SETD2: variants seen among roughly 807,000 people sequenced by gnomAD.
The protein encoded by SETD2 is SET domain containing 2, histone lysine methyltransferase.
In SETD2, 31 loss-of-function variants were observed where a neutral mutation model predicts 242.1. That is an observed-to-expected ratio of 0.13 (90% CI 0.10 to 0.17). The LOEUF is 0.17. Ranked by LOEUF, SETD2 falls within the 10% of genes least tolerant of loss-of-function variation. The pLI, the probability that SETD2 is intolerant of heterozygous loss-of-function variation, is 1.00. For missense variants in SETD2, 2,481 were observed against 3,046.3 expected, an observed-to-expected ratio of 0.81 and a Z score of 4.37; for synonymous variants, 1,006 against 1,066.5, an observed-to-expected ratio of 0.94 and a Z score of 1.11.
At chr3:47,157,236 C>G (rs2044146221) in intron 1 of SETD2, among the ~76,000 whole-genome samples, 1 of 152,136 alleles carries the variant, frequency 6.6e-6, no homozygotes. Context: ...GCACTCCAGC[C>G]TGGGCAAGAG....
intron 1 of SETD2, among the ~76,000 whole-genome samples, chr3:47,144,060 C>A (rs2043796727): frequency 6.6e-6 from 1 of 152,162 alleles, no homozygotes; most frequent in Non-Finnish European, 1.5e-5. Flanking sequence ...CTCTAGCTGT[C>A]AAGTTTCTAG....
Position 47,076,582 on chromosome 3 carries a change from C to T in SETD2, c.6060+7138G>A, listed in dbSNP as rs187533385. On this transcript the variant is annotated intron_variant, in intron 12 of 20. Coordinates refer to ENST00000409792, the MANE Select transcript of SETD2 (RefSeq NM_014159.7). ...TACAAAGATTAAAAAATTGTCCATG[C>T]CTTTGAAGAAAGCAATTCCATGGTC... Among the ~76,000 whole-genome samples the T allele has an allele frequency of 2.0e-3, 299 of 152,196 alleles. 3 individuals are homozygous for T. The highest frequency in any genetic ancestry group is 6.6e-3 in the African/African-American group (273 of 41,502).
chr3:47,120,107 C>A, intron 3 of SETD2, 75 bp downstream of exon 3: 2 of 1,197,548 alleles, frequency 1.7e-6, no homozygotes, highest in Non-Finnish European at 1.2e-6. Context: ...CTCATACAGT[C>A]TGAATTGTTT....
intron 15 of SETD2, among the ~76,000 whole-genome samples, chr3:47,052,486 C>G (rs1267935935): frequency 1.3e-5 from 2 of 152,070 alleles, no homozygotes; most frequent in East Asian, 3.9e-4. Flanking sequence ...AAACCTGTAT[C>G]ACATTTAAAG....
At position 47,017,570 on chromosome 3, in the gene SETD2, G is replaced by T; in HGVS notation, c.7533+68C>A. The T allele has an allele frequency of 8.9e-7, 1 of 1,127,892 alleles. No individual in the cohort carries two copies. Among genetic ancestry groups the T allele is most frequent in the Non-Finnish European group, 1.3e-6 (1 of 747,160 alleles). The allele number at this position is 1,127,892 out of a possible 1,614,324, so 69.9% of individuals were successfully genotyped here. A position where few individuals can be genotyped will look rare whatever the true frequency, so the allele number is the denominator to read the frequency against. ...AAAAAATACTTTCTATGATGAAAAGGGCTTCTTAGAAGGTACACAGTTTGC... is the reference window on the plus strand; with the variant it reads ...AAAAAATACTTTCTATGATGAAAAGTGCTTCTTAGAAGGTACACAGTTTGC... On this transcript the variant is annotated intron_variant, in intron 20 of 20. Transcript: ENST00000409792. This position sits in a 1 kb window ranked among gnomAD's most constrained non-coding sequence, Gnocchi z 4.8.
At chr3:47,079,830 T>C (rs1270769130) in intron 12 of SETD2, among the ~76,000 whole-genome samples, 1 of 152,166 alleles carries the variant, frequency 6.6e-6, no homozygotes. Flanking sequence ...GGTTAAAAAA[T>C]GGACCAATAA....
chr3:47,161,861 T>G (rs1697496559), intron 1 of SETD2, among the ~76,000 whole-genome samples: 1 of 148,694 alleles, frequency 6.7e-6, no homozygotes. Flanking sequence ...CAATGAGCCA[T>G]GATGACACCA....
chr3:47,077,427 C>G (rs1331855117), intron 12 of SETD2, among the ~76,000 whole-genome samples: 1 of 152,000 alleles, frequency 6.6e-6, no homozygotes, highest in African/African-American at 2.4e-5. Context: ...ATCTCAGGTA[C>G]CCCAAGAAAT....
intron 2 of SETD2, 150 bp downstream of exon 2, chr3:47,126,498 T>C (rs1042064685): frequency 4.1e-6 from 2 of 485,858 alleles, no homozygotes; most frequent in Non-Finnish European, 7.3e-6. Context: ...TAAGTTACCA[T>C]GGCTCTAAAA....
chr3:47,103,533 C>T (rs2042294875), intron 6 of SETD2, 110 bp from the exon 7 acceptor site: 1 of 812,242 alleles, frequency 1.2e-6, no homozygotes, highest in Non-Finnish European at 2.0e-6. Context: ...AAAGATTGTG[C>T]TGCGAAACCT....
Position 47,083,945 on chromosome 3 carries a change from T to C in SETD2, c.5835A>G (p.Glu1945=), listed in dbSNP as rs1275828128. The C allele has an allele frequency of 6.2e-7, 1 of 1,614,160 alleles. No individual in the cohort carries two copies. Among genetic ancestry groups the C allele is most frequent in the African/African-American group, 1.3e-5 (1 of 75,054 alleles). The change falls in exon 12 of 21, where the codon GAA becomes GAG. Residue 1945 remains glutamate, a synonymous_variant. Coordinates refer to ENST00000409792, the MANE Select transcript of SETD2 (RefSeq NM_014159.7). The stretch of plus-strand genomic sequence containing the variant: ...GTTCAGATGTAGGTAGCTTACTAGC[T>C]TCTATGTTGGTTTCACTATCAACTT... ...ECKVDSETNI[E]ASKLPTSEPE...
At chr3:47,097,862 G>T in intron 9 of SETD2, 93 bp downstream of exon 9, 6 of 1,200,008 alleles carry the variant, frequency 5.0e-6, no homozygotes, top group Non-Finnish European at 7.2e-6. Flanking sequence ...TTTCTCTGGT[G>T]GCAGTAGTAT....
chr3:47,118,296 T>C (rs987933864), intron 3 of SETD2, among the ~76,000 whole-genome samples: 1 of 152,196 alleles, frequency 6.6e-6, no homozygotes, highest in Admixed American at 6.5e-5. Context: ...CGAATGGGCA[T>C]AGATTTTGGC....
intron 18 of SETD2, among the ~76,000 whole-genome samples, chr3:47,034,942 C>A (rs551300720): frequency 1.3e-5 from 2 of 152,224 alleles, no homozygotes; most frequent in African/African-American, 4.8e-5. Context: ...AAGTTCCAAG[C>A]TAGTAGATTA....
chr3:47,029,420 T>C (rs1192022473), intron 18 of SETD2, among the ~76,000 whole-genome samples: 2 of 151,048 alleles, frequency 1.3e-5, no homozygotes, highest in Non-Finnish European at 2.9e-5. Context: ...GAACTCAAAC[T>C]GTAGCTTCTA....
chr3:47,127,618 T>C (rs749829909), intron 1 of SETD2: 26 of 426,680 alleles, frequency 6.1e-5, no homozygotes, highest in Non-Finnish European at 1.2e-4. Flanking sequence ...TCCCAGCACT[T>C]TGGGAGGCCG....
At chr3:47,053,234 C>T (rs1317464316) in intron 15 of SETD2, among the ~76,000 whole-genome samples, 1 of 151,992 alleles carries the variant, frequency 6.6e-6, no homozygotes, top group Non-Finnish European at 1.5e-5. Flanking sequence ...GTGAGAAGGT[C>T]CAATAGGTTA....
intron 18 of SETD2, 139 bp downstream of exon 18, chr3:47,037,527 A>C: frequency 1.6e-6 from 1 of 621,008 alleles, no homozygotes; most frequent in Admixed American, 2.6e-5. Context: ...TTTCTCCCTG[A>C]CTTCATCTCT....
intron 1 of SETD2, among the ~76,000 whole-genome samples, chr3:47,158,129 T>C (rs1471950869): frequency 6.6e-6 from 1 of 152,192 alleles, no homozygotes; most frequent in Non-Finnish European, 1.5e-5. Flanking sequence ...GCTTGTGGAT[T>C]CCTTCTCAGT....
Sources: gnomAD v4.1 joint callset for allele counts (sites outside exome capture counted in the v4.1 genomes callset) on GRCh38, gnomAD v4.1.1 for gene constraint, Gnocchi (gnomAD v3.1) non-coding constraint, MANE v1.5 for transcripts, NCBI Gene and HGNC (gene_info 2026-07-23, HGNC 2026-07-21) for gene names.